Variants in RAB11FIP3 observed in about 807,000 individuals in gnomAD.
RAB11FIP3 encodes the protein RAB11 family interacting protein 3.
RAB11FIP3 carries 17 observed loss-of-function variants against 77.8 expected under a neutral mutation model. That is an observed-to-expected ratio of 0.22 (90% confidence interval 0.15 to 0.33). RAB11FIP3 has a LOEUF of 0.33. RAB11FIP3 is among the 10% of genes least tolerant of loss of function. The probability of loss-of-function intolerance (pLI) is 1.00; values close to 1 mark genes in which losing one functional copy is unlikely to be tolerated. For synonymous variants in RAB11FIP3, 437 were observed against 448.2 expected (o/e 0.98, Z 0.31); for missense variants, 1,005 against 1,011.2 (o/e 0.99, Z 0.08).
chr16:442,902 G>A (rs1163859434), intron 1 of RAB11FIP3, among the ~76,000 whole-genome samples: 1 of 152,042 alleles, frequency 6.6e-6, no homozygotes, highest in Non-Finnish European at 1.5e-5. Flanking sequence ...TGTTTACAAA[G>A]TTTTATTTCA....
chr16:487,673 G>A (rs1004874501), intron 4 of RAB11FIP3, among the ~76,000 whole-genome samples: 3 of 152,044 alleles, frequency 2.0e-5, no homozygotes, highest in Admixed American at 2.0e-4. Flanking sequence ...AGGTTCTCCC[G>A]AGGACTCCTG....
intron 1 of RAB11FIP3, among the ~76,000 whole-genome samples, chr16:434,915 C>A (rs115772689): frequency 4.3e-4 from 66 of 151,740 alleles, no homozygotes; most frequent in Non-Finnish European, 7.9e-4. Flanking sequence ...ACTAAAAATA[C>A]AAGAATTAGA....
In RAB11FIP3 at chr16:472,956, A is replaced by G. The variant is rs552581325; in HGVS notation, c.903+1567A>G. Among the ~76,000 whole-genome samples, 1 of 152,346 alleles carries G rather than the reference A, an allele frequency of 6.6e-6. No individual in the cohort carries two copies. The highest frequency in any genetic ancestry group is 2.1e-4 in the South Asian group (1 of 4,828). ...GACAGGGCAGAGACTGACCAGAGCC[A>G]GGGAACTCCTGGGGCTCCCAGAAGC... On this transcript the variant is annotated intron_variant, in intron 3 of 13. Coordinates refer to ENST00000262305, the MANE Select transcript of RAB11FIP3 (RefSeq NM_014700.4). This position sits in a 1 kb window ranked among gnomAD's most constrained non-coding sequence, Gnocchi z 4.1.
chr16:459,765 C>T (rs2055572124), intron 1 of RAB11FIP3, among the ~76,000 whole-genome samples: 1 of 151,464 alleles, frequency 6.6e-6, no homozygotes, highest in South Asian at 2.1e-4. Context: ...ATTTGCATTT[C>T]TTTAAGGACT....
In RAB11FIP3 at chr16:491,791, C is replaced by T. The variant is rs144445124; in HGVS notation, c.1265+2791C>T. On this transcript the variant is annotated intron_variant, in intron 5 of 13. Coordinates refer to ENST00000262305, the MANE Select transcript of RAB11FIP3 (RefSeq NM_014700.4). ...GTTTTGAGTGCTTTGCACATATTGA[C>T]GTGCCCGTTGGGCATCGTGTTGATT... Among the ~76,000 whole-genome samples, 405 of 152,288 alleles carry T rather than the reference C, an allele frequency of 2.7e-3. 3 individuals carry two copies. Among genetic ancestry groups the T allele is most frequent in the African/African-American group, 7.4e-3 (307 of 41,552 alleles).
chr16:462,901 CCCCAGCACCATCCCTTT>C (rs1380239691), intron 2 of RAB11FIP3, among the ~76,000 whole-genome samples: 19 of 152,022 alleles, frequency 1.2e-4, no homozygotes, highest in East Asian at 1.9e-4. Context: ...ACAATGTCTT[CCCCAGCACCATCCCTTT>C]CCCAGCACGA....
intron 1 of RAB11FIP3, among the ~76,000 whole-genome samples, chr16:431,572 G>T (rs968658224): frequency 6.6e-6 from 1 of 151,778 alleles, no homozygotes; most frequent in Non-Finnish European, 1.5e-5. Flanking sequence ...ACGGGGTTTC[G>T]CCGTGTTGAC....
At chr16:493,641 T>G (rs536837288) in intron 5 of RAB11FIP3, among the ~76,000 whole-genome samples, 3 of 151,992 alleles carry the variant, frequency 2.0e-5, no homozygotes, top group South Asian at 2.1e-4. Flanking sequence ...GAGTCTCGCT[T>G]TGTGACCCAG....
intron 8 of RAB11FIP3, among the ~76,000 whole-genome samples, chr16:508,459 C>T (rs1340470746): frequency 2.6e-5 from 4 of 152,182 alleles, no homozygotes; most frequent in Non-Finnish European, 5.9e-5. Flanking sequence ...CGGCAACCTC[C>T]GCCTCCCGGG....
chr16:506,963 CTTGTT>C lies in RAB11FIP3; in HGVS notation c.1499+1349_1499+1353del, dbSNP rs1049698130. ...AGAATCCGGGGGGCTGCCAGATGCACTTGTTTTGTTTTGTTTTTTGAGAGACAGGG... is the reference window on the plus strand; with the variant it reads ...AGAATCCGGGGGGCTGCCAGATGCACTTGTTTTGTTTTTTGAGAGACAGGG... On this transcript the variant is annotated intron_variant, in intron 8 of 13. Transcript: ENST00000262305. The surrounding 1 kb of genome is among the most constrained non-coding windows in gnomAD (Gnocchi z 4.5). 7.9e-5 allele frequency among the ~76,000 whole-genome samples: 12 copies of C among 152,222 alleles called. No individual in the cohort carries two copies. The highest frequency in any genetic ancestry group is 2.4e-4 in the African/African-American group (10 of 41,534).
intron 9 of RAB11FIP3, 55 bp from the exon 10 acceptor site, chr16:518,888 G>A: frequency 6.3e-7 from 1 of 1,580,012 alleles, no homozygotes; most frequent in South Asian, 1.1e-5. Context: ...GGGCACACTG[G>A]CCCTGTAGAG....
At position 506,672 on chromosome 16, in the gene RAB11FIP3, G is replaced by T. The variant is rs186417006; in HGVS notation, c.1499+1045G>T. Among the ~76,000 whole-genome samples, 3 of 152,230 alleles carry T rather than the reference G, an allele frequency of 2.0e-5. No homozygotes were observed. Among genetic ancestry groups the T allele is most frequent in the African/African-American group, 7.2e-5 (3 of 41,460 alleles). On this transcript the variant is annotated intron_variant, in intron 8 of 13. Coordinates refer to ENST00000262305, the MANE Select transcript of RAB11FIP3 (RefSeq NM_014700.4). This position sits in a 1 kb window ranked among gnomAD's most constrained non-coding sequence, Gnocchi z 4.5. ...ATTTGTGACCATCTGCCCTGTGAGC[G>T]CTGAGAATTGGAATGCCTCATGGGA...
At position 470,622 on chromosome 16, in the gene RAB11FIP3, A is replaced by C. The variant is rs543639765; in HGVS notation, c.809-673A>C. Reference sequence around the variant, plus strand: ...GAAGGTGCTTTGACCTGTGAATATCACTGAGACGCTGGAAGCCAGTGCCTT... The same window carrying C: ...GAAGGTGCTTTGACCTGTGAATATCCCTGAGACGCTGGAAGCCAGTGCCTT... On this transcript the variant is annotated intron_variant, in intron 2 of 13. Transcript: ENST00000262305. Among the ~76,000 whole-genome samples the C allele has an allele frequency of 2.6e-5, 4 of 152,300 alleles. No individual in the cohort carries two copies. In the South Asian group the frequency reaches 8.3e-4, roughly 32 times the overall value.
rs1393399475 is a variant in RAB11FIP3 at position 520,830 on chromosome 16, G to A, written c.2262G>A (p.Glu754=). 3 of 1,613,420 alleles carry A rather than the reference G, an allele frequency of 1.9e-6. No homozygotes were observed. The highest frequency in any genetic ancestry group is 2.2e-5 in the East Asian group (1 of 44,896). Reference sequence around the variant, plus strand: ...TGGAGACCAACCCGTCCATCCTGGAGGTCAAGTAGAGGCAGGAAGGTCCAG... The same window carrying A: ...TGGAGACCAACCCGTCCATCCTGGAAGTCAAGTAGAGGCAGGAAGGTCCAG... ...AIMETNPSIL[E]VK The change falls in exon 14 of 14, where the codon GAG becomes GAA. Residue 754 remains glutamate, a synonymous_variant. Transcript: ENST00000262305.
In RAB11FIP3 at chr16:519,761, A is replaced by G; in HGVS notation, c.1730A>G (p.Gln577Arg). 6.2e-7 allele frequency: 1 copy of G among 1,612,744 alleles called. No individual in the cohort carries two copies. The highest frequency in any genetic ancestry group is 8.5e-7 in the Non-Finnish European group (1 of 1,179,684). Residue 577 changes from glutamine to arginine, a missense_variant, in exon 11 of 14, where the codon CAG becomes CGG. Coordinates refer to ENST00000262305, the MANE Select transcript of RAB11FIP3 (RefSeq NM_014700.4). Reference sequence around the variant, plus strand: ...AGGTGTCCACCCCTGCAGGAGAAGCAGAAGCTGTTGGATGAGATAGAGTCG... The same window carrying G: ...AGGTGTCCACCCCTGCAGGAGAAGCGGAAGCTGTTGGATGAGATAGAGTCG... ...ANIERLEEEK[Q>R]KLLDEIESLT... is the part of the protein sequence containing the mutation.
chr16:489,195 C>A, intron 5 of RAB11FIP3, 195 bp downstream of exon 5: 4 of 667,782 alleles, frequency 6.0e-6, no homozygotes, highest in Non-Finnish European at 9.8e-6. Context: ...TCTTCTCCAG[C>A]CACATCCCCA....
At position 476,239 on chromosome 16, in the gene RAB11FIP3, C is replaced by T. The variant is rs1353748795; in HGVS notation, c.903+4850C>T. ...AGGCTTGGCAGGGTGCCCTGGCATC[C>T]AGCTTACAGGGAGTCTGAGTTTGTG... is the stretch of plus-strand genomic sequence containing the variant. On this transcript the variant is annotated intron_variant, in intron 3 of 13. Transcript: ENST00000262305. Among the ~76,000 whole-genome samples, 3 of 152,320 alleles carry T rather than the reference C, an allele frequency of 2.0e-5. No individual in the cohort carries two copies. In the East Asian group the frequency reaches 5.8e-4, roughly 29 times the overall value.
At chr16:438,934 C>T (rs750352604) in intron 1 of RAB11FIP3, among the ~76,000 whole-genome samples, 2 of 152,116 alleles carry the variant, frequency 1.3e-5, no homozygotes, top group African/African-American at 2.4e-5. Context: ...GTGATCCGCC[C>T]GCCTTGGCAC....
intron 1 of RAB11FIP3, among the ~76,000 whole-genome samples, chr16:437,295 G>A (rs1337366766): frequency 1.3e-5 from 2 of 151,338 alleles, no homozygotes; most frequent in Non-Finnish European, 2.9e-5. Context: ...AAGGCTAGAT[G>A]TGGTGGCTCA....
Sources: gnomAD v4.1 joint callset for allele counts (sites outside exome capture counted in the v4.1 genomes callset) on GRCh38, gnomAD v4.1.1 for gene constraint, Gnocchi (gnomAD v3.1) non-coding constraint, MANE v1.5 for transcripts, NCBI Gene and HGNC (gene_info 2026-07-23, HGNC 2026-07-21) for gene names.